Variants in FRMD4A observed in about 807,000 individuals in gnomAD.
The protein encoded by FRMD4A is FERM domain containing 4A.
A neutral mutation model predicts 129.1 loss-of-function variants in FRMD4A; 29 were observed. That is an observed-to-expected ratio of 0.22 (90% CI 0.17 to 0.31). FRMD4A has a LOEUF of 0.31. Among genes scored for constraint, FRMD4A ranks in the 10% least tolerant of loss-of-function variants. The probability of loss-of-function intolerance (pLI) is 1.00; values close to 1 mark genes in which losing one functional copy is unlikely to be tolerated. For synonymous variants in FRMD4A, 634 were observed against 571.6 expected (o/e 1.11, Z -1.56); for missense variants, 1,272 against 1,375.8 (o/e 0.92, Z 1.19).
intron 2 of FRMD4A, among the ~76,000 whole-genome samples, chr10:14,242,910 A>G (rs1335805927): frequency 6.6e-6 from 1 of 152,222 alleles, no homozygotes; most frequent in Non-Finnish European, 1.5e-5. Flanking sequence ...ATTAAAAACA[A>G]TGTCTCCAAC....
chr10:14,191,120 T>C (rs1842304472), intron 2 of FRMD4A, among the ~76,000 whole-genome samples: 1 of 152,170 alleles, frequency 6.6e-6, no homozygotes, highest in African/African-American at 2.4e-5. Context: ...CTCAAGAATT[T>C]TTGTTAGTTA....
At chr10:14,181,736 G>C (rs950772666) in intron 2 of FRMD4A, among the ~76,000 whole-genome samples, 3 of 152,106 alleles carry the variant, frequency 2.0e-5, no homozygotes, top group African/African-American at 4.8e-5. Flanking sequence ...TGTTGTCCAG[G>C]CTGGAGTGCA....
intron 2 of FRMD4A, among the ~76,000 whole-genome samples, chr10:14,078,080 G>T (rs1349899268): frequency 6.6e-6 from 1 of 152,180 alleles, no homozygotes; most frequent in African/African-American, 2.4e-5. Context: ...TAATGACCCT[G>T]TTATTAGATT....
chr10:14,240,384 G>C (rs554133886), intron 2 of FRMD4A, among the ~76,000 whole-genome samples: 106 of 152,236 alleles, frequency 7.0e-4, no homozygotes, highest in African/African-American at 2.4e-3. Flanking sequence ...CATGTGTCAG[G>C]CTTCACCCTA....
chr10:14,093,271 C>T (rs1352201770), intron 2 of FRMD4A, among the ~76,000 whole-genome samples: 1 of 152,150 alleles, frequency 6.6e-6, no homozygotes, highest in African/African-American at 2.4e-5. Flanking sequence ...CCAGGCAGCA[C>T]ATAAATAAAC....
intron 5 of FRMD4A, among the ~76,000 whole-genome samples, chr10:13,787,007 T>C (rs2092882143): frequency 6.6e-6 from 1 of 152,156 alleles, no homozygotes; most frequent in Admixed American, 6.5e-5. Flanking sequence ...TCCACTCTCA[T>C]ATGATGGAAA....
intron 2 of FRMD4A, among the ~76,000 whole-genome samples, chr10:13,984,812 C>T (rs1352068151): frequency 1.3e-5 from 2 of 152,318 alleles, no homozygotes; most frequent in Non-Finnish European, 2.9e-5. Flanking sequence ...CTGTGACTCA[C>T]GTTGCTGTGA....
At chr10:14,182,597 G>T (rs1380905545) in intron 2 of FRMD4A, among the ~76,000 whole-genome samples, 1 of 152,068 alleles carries the variant, frequency 6.6e-6, no homozygotes, top group Non-Finnish European at 1.5e-5. Context: ...CATGGTAGGG[G>T]TGTGAAAGAG....
intron 3 of FRMD4A, among the ~76,000 whole-genome samples, chr10:13,819,339 T>C (rs2130900802): frequency 6.6e-6 from 1 of 152,314 alleles, no homozygotes; most frequent in African/African-American, 2.4e-5. Flanking sequence ...TTTCCAAATC[T>C]TTGTACATTC....
intron 2 of FRMD4A, among the ~76,000 whole-genome samples, chr10:14,053,824 G>GA (rs1834375197): frequency 6.6e-6 from 1 of 151,990 alleles, no homozygotes; most frequent in Admixed American, 6.6e-5. Context: ...AGGAGCTTGA[G>GA]ACCAGCCTGG....
chr10:13,693,360 C>A (rs1359174422), intron 15 of FRMD4A: 6 of 284,894 alleles, frequency 2.1e-5, no homozygotes, highest in African/African-American at 9.3e-5. Flanking sequence ...CCAAGGCTGG[C>A]GGAAGCGGAC....
At chr10:13,951,163 A>C (rs1405162216) in intron 2 of FRMD4A, among the ~76,000 whole-genome samples, 2 of 152,102 alleles carry the variant, frequency 1.3e-5, no homozygotes, top group Non-Finnish European at 2.9e-5. Flanking sequence ...CAGATGGGGA[A>C]ATGGCAGTGG....
At chr10:13,986,654 A>T (rs1050825004) in intron 2 of FRMD4A, among the ~76,000 whole-genome samples, 1 of 149,318 alleles carries the variant, frequency 6.7e-6, no homozygotes, top group African/African-American at 2.4e-5. Flanking sequence ...TAACAATAAT[A>T]ATAAAAATAA....
intron 2 of FRMD4A, among the ~76,000 whole-genome samples, chr10:14,261,987 C>CACACACACACACA (rs3222480): frequency 1.4e-5 from 2 of 146,094 alleles, no homozygotes; most frequent in East Asian, 2.0e-4. Flanking sequence ...CACACACACA[C>CACACACACACACA]CTCATTTTCC....
At chr10:14,220,807 TG>T (rs1564396348) in intron 2 of FRMD4A, among the ~76,000 whole-genome samples, 386 of 104,432 alleles carry the variant, frequency 3.7e-3, no homozygotes, top group Admixed American at 6.4e-3. Flanking sequence ...TGTGTGTGTG[TG>T]TGTTTGTGTG....
chr10:14,212,406 G>A (rs759159939), intron 2 of FRMD4A, among the ~76,000 whole-genome samples: 29 of 152,134 alleles, frequency 1.9e-4, no homozygotes, highest in African/African-American at 4.6e-4. Context: ...GGACAAAGGC[G>A]TGGATCAGAT....
chr10:13,741,171 C>T (rs7071328), intron 9 of FRMD4A, among the ~76,000 whole-genome samples: 143,934 of 152,148 alleles, frequency 0.95, 68,119 homozygotes, highest in East Asian at 1. Flanking sequence ...GAGCCCAGGC[C>T]GGGTGCAGTG....
chr10:14,017,362 AG>A (rs771440310), intron 2 of FRMD4A, among the ~76,000 whole-genome samples: 7 of 152,194 alleles, frequency 4.6e-5, no homozygotes, highest in Non-Finnish European at 1.0e-4. Context: ...GCAGTTTCAC[AG>A]GGTAAACTGT....
chr10:13,669,941 A>G (rs2083379760), intron 17 of FRMD4A, among the ~76,000 whole-genome samples: 2 of 152,192 alleles, frequency 1.3e-5, no homozygotes, highest in African/African-American at 4.8e-5. Flanking sequence ...TAGCCAGGTG[A>G]GGCTATGACC....
Sources: gnomAD v4.1 joint callset for allele counts (sites outside exome capture counted in the v4.1 genomes callset) on GRCh38, gnomAD v4.1.1 for gene constraint, MANE v1.5 for transcripts, NCBI Gene and HGNC (gene_info 2026-07-23, HGNC 2026-07-21) for gene names.